The following SNX29 variants were observed in gnomAD, a reference collection of about 807,000 sequenced individuals.
The protein encoded by SNX29 is sorting nexin-29.
A neutral mutation model predicts 102.1 loss-of-function variants in SNX29; 78 were observed. The ratio of observed to expected loss-of-function variants is 0.76; its 90% CI spans 0.64 to 0.92. SNX29 has a LOEUF of 0.92. Among genes scored for constraint, SNX29 ranks in the 40% least tolerant of loss-of-function variants. The pLI is 0.00. For synonymous variants in SNX29, 580 were observed against 414.5 expected (o/e 1.40, Z -4.85); for missense variants, 1,280 against 1,061.7 (o/e 1.21, Z -2.86).
intron 4 of SNX29, among the ~76,000 whole-genome samples, chr16:12,038,190 G>A (rs3862464): frequency 1.3e-3 from 191 of 152,214 alleles, no homozygotes; most frequent in African/African-American, 3.4e-3. Flanking sequence ...ATCCATACAC[G>A]TAGGTACTGT....
intron 11 of SNX29, among the ~76,000 whole-genome samples, chr16:12,085,083 A>G (rs1168903164): frequency 6.6e-6 from 1 of 151,952 alleles, no homozygotes; most frequent in Non-Finnish European, 1.5e-5. Flanking sequence ...AGAAAAAGAA[A>G]AAAAAAAGAA....
chr16:12,146,485 C>T (rs1440169766), intron 13 of SNX29, among the ~76,000 whole-genome samples: 1 of 152,106 alleles, frequency 6.6e-6, no homozygotes, highest in Non-Finnish European at 1.5e-5. Flanking sequence ...AGGCTGGTCT[C>T]GAACTCTTGA....
At chr16:12,155,618 T>C (rs949646866) in intron 13 of SNX29, among the ~76,000 whole-genome samples, 12 of 152,148 alleles carry the variant, frequency 7.9e-5, no homozygotes, top group African/African-American at 2.7e-4. Context: ...GCTAGCTGCC[T>C]CTTGAGGGCA....
At chr16:11,981,791 G>A (rs16958789) in intron 1 of SNX29, among the ~76,000 whole-genome samples, 51,674 of 151,984 alleles carry the variant, frequency 0.34, 9,280 homozygotes, top group East Asian at 0.64. Context: ...CCATTAATTG[G>A]GGAGTAGGTA....
intron 17 of SNX29, among the ~76,000 whole-genome samples, chr16:12,402,736 C>A (rs531805030): frequency 6.6e-6 from 1 of 152,142 alleles, no homozygotes; most frequent in Non-Finnish European, 1.5e-5. Context: ...TGGAGCTGTG[C>A]GTGGTAGGTG....
intron 14 of SNX29, among the ~76,000 whole-genome samples, chr16:12,276,902 A>G (rs1596727658): frequency 6.6e-6 from 1 of 152,232 alleles, no homozygotes; most frequent in East Asian, 1.9e-4. Context: ...TGTCTTTTGC[A>G]TTGACGTTCT....
At chr16:11,987,785 G>C (rs916577661) in intron 1 of SNX29, among the ~76,000 whole-genome samples, 7 of 152,188 alleles carry the variant, frequency 4.6e-5, no homozygotes, top group African/African-American at 1.4e-4. Context: ...GGAACATAGA[G>C]GACCAGGTGA....
intron 20 of SNX29, among the ~76,000 whole-genome samples, chr16:12,550,700 C>A (rs2856779): frequency 1.7e-4 from 26 of 152,042 alleles, no homozygotes; most frequent in East Asian, 1.4e-3. Context: ...TATTCACCCC[C>A]CTCATGCTCT....
In SNX29 at chr16:12,193,470, C is replaced by CAA. The variant is rs369951476; in HGVS notation, c.1596-6120_1596-6119dup. On this transcript the variant is annotated intron_variant, in intron 13 of 20. Coordinates refer to ENST00000566228, the MANE Select transcript of SNX29 (RefSeq NM_032167.5). ...GGCAACAAGAGTGAAACTCCATCTTCAAAAAAAAAAAAGAAAAAGTCTTTC... is the reference window on the plus strand; with the variant it reads ...GGCAACAAGAGTGAAACTCCATCTTCAAAAAAAAAAAAAAGAAAAAGTCTTTC... 8.7e-5 allele frequency among the ~76,000 whole-genome samples: 12 copies of CAA among 137,396 alleles called. 2 individuals are homozygous for CAA. Among genetic ancestry groups the CAA allele is most frequent in the Non-Finnish European group, 7.8e-5 (5 of 64,496 alleles). The allele number at this position is 137,396 out of a possible 152,430, so 90.1% of individuals were successfully genotyped here.
At chr16:12,537,321 A>G (rs947583729) in intron 20 of SNX29, among the ~76,000 whole-genome samples, 7 of 152,248 alleles carry the variant, frequency 4.6e-5, no homozygotes, top group African/African-American at 1.7e-4. Flanking sequence ...TGGCTAAGCC[A>G]AAGCTCTGTT....
intron 14 of SNX29, among the ~76,000 whole-genome samples, chr16:12,233,368 A>G (rs2077828245): frequency 6.6e-6 from 1 of 152,232 alleles, no homozygotes; most frequent in Admixed American, 6.5e-5. Flanking sequence ...GTTCTGACTT[A>G]TAAGTGGGAG....
intron 13 of SNX29, among the ~76,000 whole-genome samples, chr16:12,183,765 A>G (rs1359098470): frequency 2.6e-5 from 4 of 152,226 alleles, no homozygotes; most frequent in African/African-American, 9.6e-5. Context: ...TCGGCACAAG[A>G]TACAGGTCCC....
At chr16:12,338,428 T>G (rs2081515916) in intron 15 of SNX29, among the ~76,000 whole-genome samples, 1 of 152,130 alleles carries the variant, frequency 6.6e-6, no homozygotes, top group African/African-American at 2.4e-5. Context: ...CGGGAGGTAT[T>G]CCCGGGAACA....
intron 14 of SNX29, among the ~76,000 whole-genome samples, chr16:12,253,770 G>A (rs987596689): frequency 5.9e-5 from 9 of 152,158 alleles, no homozygotes; most frequent in Admixed American, 3.3e-4. Flanking sequence ...GGAGGACTGT[G>A]AGCAAAGGAG....
At chr16:12,258,852 G>A (rs893723322) in intron 14 of SNX29, among the ~76,000 whole-genome samples, 9 of 152,144 alleles carry the variant, frequency 5.9e-5, no homozygotes, top group Non-Finnish European at 1.3e-4. Flanking sequence ...AATATATAAT[G>A]AGACACCAAG....
intron 5 of SNX29, among the ~76,000 whole-genome samples, chr16:12,044,953 A>G (rs2050028447): frequency 6.6e-6 from 1 of 152,202 alleles, no homozygotes; most frequent in Non-Finnish European, 1.5e-5. Context: ...TCAGAGTTAC[A>G]TACTCAGTCT....
intron 19 of SNX29, chr16:12,515,585 A>G (rs1430292640): frequency 2.0e-6 from 1 of 490,498 alleles, no homozygotes; most frequent in South Asian, 1.5e-5. Flanking sequence ...CCTCCTCTGA[A>G]TCTTCAGGTG....
At chr16:12,489,449 G>T (rs781530073) in intron 19 of SNX29, among the ~76,000 whole-genome samples, 5 of 152,202 alleles carry the variant, frequency 3.3e-5, no homozygotes, top group Admixed American at 6.5e-5. Context: ...ATGCAACACA[G>T]GGAAAGAGCT....
At chr16:12,525,736 C>G (rs2076765169) in intron 20 of SNX29, among the ~76,000 whole-genome samples, 1 of 135,254 alleles carries the variant, frequency 7.4e-6, no homozygotes, top group African/African-American at 2.8e-5. Flanking sequence ...CATTACACTT[C>G]AAAATTGTCA....
Sources: allele counts gnomAD v4.1 joint callset (sites outside exome capture counted in the v4.1 genomes callset), GRCh38; gene constraint gnomAD v4.1.1; transcripts MANE v1.5; gene names NCBI Gene and HGNC (gene_info 2026-07-23, HGNC 2026-07-21).